Variants in CYB5D2 observed in about 807,000 individuals in gnomAD.
The protein encoded by CYB5D2 is neuferricin.
A neutral mutation model predicts 22.8 loss-of-function variants in CYB5D2; 23 were observed. The observed-to-expected ratio is 1.01, with a 90% CI of 0.73 to 1.43. The LOEUF (loss-of-function observed/expected upper bound fraction) is 1.43, where lower values mean the gene tolerates loss of function less well. Ranked by LOEUF, CYB5D2 falls within the 40% of genes most tolerant of loss-of-function variation. The pLI is 0.00. For synonymous variants in CYB5D2, 170 were observed against 152.2 expected, an observed-to-expected ratio of 1.12 and a Z score of -0.86; for missense variants, 373 against 357.2, an observed-to-expected ratio of 1.04 and a Z score of -0.36.
chr17:4,155,534 C>G (rs2059104946), intron 3 of CYB5D2, among the ~76,000 whole-genome samples: 1 of 152,194 alleles, frequency 6.6e-6, no homozygotes, highest in African/African-American at 2.4e-5. Context: ...AAGGAAAGCT[C>G]CTTCTTTCCT....
At chr17:4,154,301 A>T (rs1306652672) in intron 2 of CYB5D2, among the ~76,000 whole-genome samples, 2 of 152,244 alleles carry the variant, frequency 1.3e-5, no homozygotes, top group Non-Finnish European at 2.9e-5. Context: ...ACATTTAAAA[A>T]ATGTTAGCCA....
chr17:4,145,278 C>A (rs34767676), intron 1 of CYB5D2, among the ~76,000 whole-genome samples: 1 of 152,182 alleles, frequency 6.6e-6, no homozygotes, highest in African/African-American at 2.4e-5. Context: ...AGCCACTTCC[C>A]TCTGTCTAGG....
intron 1 of CYB5D2, among the ~76,000 whole-genome samples, chr17:4,149,660 G>T (rs530190421): frequency 5.9e-5 from 9 of 152,182 alleles, no homozygotes; most frequent in Non-Finnish European, 1.3e-4. Context: ...TTAGCCAGGC[G>T]TGGTGGCGGG....
At chr17:4,154,109 T>C (rs1393156771) in intron 2 of CYB5D2, among the ~76,000 whole-genome samples, 1 of 152,170 alleles carries the variant, frequency 6.6e-6, no homozygotes, top group Non-Finnish European at 1.5e-5. Context: ...GGTGGACCAC[T>C]TGCTGGCTGC....
Position 4,149,410 on chromosome 17 carries a change from G to A in CYB5D2, c.251-481G>A, listed in dbSNP as rs139303041. Among the ~76,000 whole-genome samples the A allele has an allele frequency of 3.2e-4, 49 of 152,360 alleles. No homozygotes were observed. The East Asian group carries it at 9.1e-3, about 28-fold the overall frequency. On this transcript the variant is annotated intron_variant, in intron 1 of 3. Coordinates refer to ENST00000301391, the MANE Select transcript of CYB5D2 (RefSeq NM_144611.4). Reference sequence around the variant, plus strand: ...GAAAGAATATGACCAATGCCAAAGAGATGTGTGTCCAAGGTCTAGGAGCAT... The same window carrying A: ...GAAAGAATATGACCAATGCCAAAGAAATGTGTGTCCAAGGTCTAGGAGCAT...
intron 2 of CYB5D2, among the ~76,000 whole-genome samples, chr17:4,153,363 CAGAA>C (rs761855251): frequency 2.1e-4 from 32 of 151,566 alleles, no homozygotes; most frequent in Non-Finnish European, 4.3e-4. Flanking sequence ...AGCCAAGACA[CAGAA>C]AGGAAGCCAG....
Position 4,154,671 on chromosome 17 carries a change from C to G in CYB5D2, c.392-3C>G, listed in dbSNP as rs772020982. ...ACTCACATCTGCCTTCCTGTCATCA[C>G]AGGGAGGGTGACAGGACGGTTCTAC... On this transcript the variant is annotated splice_region_variant and splice_polypyrimidine_tract_variant and intron_variant, in intron 2 of 3. Transcript: ENST00000301391. 24 of 1,612,962 alleles carry G rather than the reference C, an allele frequency of 1.5e-5. No individual in the cohort carries two copies. Among genetic ancestry groups the G allele is most frequent in the Middle Eastern group, 1.7e-4 (1 of 6,054 alleles).
In CYB5D2 at chr17:4,143,512, G is replaced by A. The variant is rs1160306012; in HGVS notation, c.-244G>A. 2 of 422,984 alleles carry A rather than the reference G, an allele frequency of 4.7e-6. No homozygotes were observed. The highest frequency in any genetic ancestry group is 4.3e-5 in the African/African-American group (2 of 46,674). 26.2% of individuals were successfully genotyped at this position (422,984 alleles called of 1,614,324 possible). On this transcript the variant is annotated 5_prime_UTR_variant, in exon 1 of 4. Coordinates refer to ENST00000301391, the MANE Select transcript of CYB5D2 (RefSeq NM_144611.4). ...GTGCACTCCAGCCTGGACAACAAGA[G>A]CTAAAACTCTGTCTCAGAAAAAAAA...
intron 2 of CYB5D2, 44 bp downstream of exon 2, chr17:4,150,075 T>C (rs750056921): frequency 2.5e-6 from 4 of 1,608,134 alleles, no homozygotes; most frequent in Non-Finnish European, 3.4e-6. Flanking sequence ...TTGTCTGCAG[T>C]GTTTTTAGGG....
At position 4,157,094 on chromosome 17, in the gene CYB5D2, T is replaced by G. The variant is rs772119302; in HGVS notation, c.*12T>G. 1.9e-5 allele frequency: 31 copies of G among 1,611,830 alleles called. No homozygotes were observed. In the Admixed American group the frequency reaches 5.0e-4, roughly 26 times the overall value. On this transcript the variant is annotated 3_prime_UTR_variant, in exon 4 of 4. Transcript: ENST00000301391. This position sits in a 1 kb window ranked among gnomAD's most constrained non-coding sequence, Gnocchi z 4.4. ...CCTTTCCACTCTAAGCCGTAGCCTCTTCTGTTAATAACACACAGAGAGCTC... is the reference window on the plus strand; with the variant it reads ...CCTTTCCACTCTAAGCCGTAGCCTCGTCTGTTAATAACACACAGAGAGCTC...
At chr17:4,155,032 G>C (rs1189735704) in intron 3 of CYB5D2, among the ~76,000 whole-genome samples, 172 bp downstream of exon 3, 1 of 152,170 alleles carries the variant, frequency 6.6e-6, no homozygotes, top group East Asian at 1.9e-4. Flanking sequence ...CTGGGGAATT[G>C]CCGAAATTAC....
intron 3 of CYB5D2, among the ~76,000 whole-genome samples, chr17:4,155,121 G>A (rs892418109): frequency 6.6e-6 from 1 of 151,998 alleles, no homozygotes; most frequent in Non-Finnish European, 1.5e-5. Flanking sequence ...TATTTTTTCC[G>A]AATTCTCCAA....
At position 4,143,750 on chromosome 17, in the gene CYB5D2, A is replaced by G. The variant is rs998416290; in HGVS notation, c.-6A>G. The G allele has an allele frequency of 2.5e-6, 4 of 1,612,642 alleles. No individual in the cohort carries two copies. Among genetic ancestry groups the G allele is most frequent in the African/African-American group, 1.3e-5 (1 of 74,996 alleles). ...TCGGAAGTGCGGAGCGGGTGGGCCT[A>G]TATAGATGTTGAGGTGCGGAGGCCG... On this transcript the variant is annotated 5_prime_UTR_variant, in exon 1 of 4. Transcript: ENST00000301391.
chr17:4,152,869 C>G lies in CYB5D2; in HGVS notation c.392-1805C>G, dbSNP rs972054346. Among the ~76,000 whole-genome samples, 7 of 152,208 alleles carry G rather than the reference C, an allele frequency of 4.6e-5. 1 individual carries two copies. The highest frequency in any genetic ancestry group is 4.6e-4 in the Admixed American group (7 of 15,282). ...TGCAGCTCACTGCAACCTCCAACTT[C>G]TAGGTTCAAGCAGTTCTCCTGCCTC... is the stretch of plus-strand genomic sequence containing the variant. On this transcript the variant is annotated intron_variant, in intron 2 of 3. Coordinates refer to ENST00000301391, the MANE Select transcript of CYB5D2 (RefSeq NM_144611.4).
chr17:4,148,076 T>G (rs1027475144), intron 1 of CYB5D2, among the ~76,000 whole-genome samples: 6 of 152,070 alleles, frequency 3.9e-5, no homozygotes, highest in Non-Finnish European at 7.4e-5. Context: ...AGGGCTTCCT[T>G]GAGGTTTGCT....
At chr17:4,149,774 G>C in intron 1 of CYB5D2, 117 bp from the exon 2 acceptor site, 3 of 1,306,168 alleles carry the variant, frequency 2.3e-6, no homozygotes, top group Non-Finnish European at 3.1e-6. Flanking sequence ...ACTCCAGCCT[G>C]GGCAACAGAG....
intron 2 of CYB5D2, among the ~76,000 whole-genome samples, chr17:4,150,523 A>G (rs1264949085): frequency 2.0e-5 from 3 of 152,138 alleles, no homozygotes; most frequent in Admixed American, 6.5e-5. Flanking sequence ...CTACTTACTG[A>G]TGCTACATAA....
In CYB5D2 at chr17:4,154,686, G is replaced by A. The variant is rs1270071301; in HGVS notation, c.404G>A (p.Gly135Glu). The change falls in exon 3 of 4, where the codon GGA (glycine) becomes GAA (glutamate). Residue 135 changes from glycine to glutamate, a missense_variant. Physicochemically the swap from Gly to Glu is moderately conservative, Grantham distance 98. Transcript: ENST00000301391. The stretch of plus-strand genomic sequence containing the variant: ...CCTGTCATCACAGGGAGGGTGACAG[G>A]ACGGTTCTACGGAGAGGATGGGCTG... The part of the protein sequence containing the change: ...KNYVCVGRVT[G>E]RFYGEDGLPT... 6.2e-7 allele frequency: 1 copy of A among 1,613,968 alleles called. No homozygotes were observed. The highest frequency in any genetic ancestry group is 8.5e-7 in the Non-Finnish European group (1 of 1,179,908).
chr17:4,146,357 A>G (rs1236863449), intron 1 of CYB5D2, among the ~76,000 whole-genome samples: 1 of 151,580 alleles, frequency 6.6e-6, no homozygotes, highest in Non-Finnish European at 1.5e-5. Context: ...GGTCTCACAC[A>G]GTGCTGGGAT....
Sources: allele counts gnomAD v4.1 joint callset (sites outside exome capture counted in the v4.1 genomes callset), GRCh38; gene constraint gnomAD v4.1.1; non-coding constraint Gnocchi (gnomAD v3.1); transcripts MANE v1.5; gene names NCBI Gene and HGNC (gene_info 2026-07-23, HGNC 2026-07-21).